The following MKLN1 variants were observed in gnomAD, a reference collection of about 807,000 sequenced individuals.
MKLN1 encodes the protein muskelin.
In MKLN1, 18 loss-of-function variants were observed where a neutral mutation model predicts 99.0. The ratio of observed to expected loss-of-function variants is 0.18; its 90% confidence interval spans 0.13 to 0.27. The LOEUF (loss-of-function observed/expected upper bound fraction) is 0.27. MKLN1 is among the 10% of genes least tolerant of loss of function. The probability of loss-of-function intolerance (pLI) is 1.00; values close to 1 mark genes in which losing one functional copy is unlikely to be tolerated. For missense variants in MKLN1, 621 were observed against 875.9 expected (o/e 0.71, Z 3.67); for synonymous variants, 288 against 293.2 (o/e 0.98, Z 0.18).
intron 3 of MKLN1, among the ~76,000 whole-genome samples, chr7:131,311,608 A>G (rs1436929374): frequency 1.3e-5 from 2 of 152,214 alleles, no homozygotes; most frequent in Non-Finnish European, 2.9e-5. Context: ...AGAATTTGAA[A>G]TTTGATTTTA....
chr7:131,378,682 T>G (rs1444439134), intron 2 of MKLN1, among the ~76,000 whole-genome samples: 1 of 151,932 alleles, frequency 6.6e-6, no homozygotes, highest in Admixed American at 6.6e-5. Flanking sequence ...ATACAAAAAG[T>G]AGTCGGGCAT....
In MKLN1 at chr7:131,470,857, C is replaced by T. The variant is rs148919939; in HGVS notation, c.1944C>T (p.Ala648=). 58 of 1,609,586 alleles carry T rather than the reference C, an allele frequency of 3.6e-5. No homozygotes were observed. The highest frequency in any genetic ancestry group is 4.5e-5 in the Non-Finnish European group (53 of 1,176,528). ...CATTTTCTAGGTTTGAAGAAAAGGC[C>T]CAAGTGGATCCCCTTAGTGCTCTGA... ...LIRKHRFEEK[A]QVDPLSALKY... Residue 648 remains alanine, a synonymous_variant, in exon 16 of 18, where the codon GCC becomes GCT. Transcript: ENST00000352689.
chr7:131,387,053 A>T (rs1794051634), intron 2 of MKLN1, 67 bp from the exon 3 acceptor site: 2 of 1,404,280 alleles, frequency 1.4e-6, no homozygotes, highest in East Asian at 2.3e-5. Context: ...AACTGGCAAT[A>T]GTTTTAAAGT....
chr7:131,364,431 G>A (rs1231523764), intron 1 of MKLN1, among the ~76,000 whole-genome samples: 1 of 149,942 alleles, frequency 6.7e-6, no homozygotes, highest in African/African-American at 2.5e-5. Context: ...ATTTAAATGT[G>A]TTCCGTATCA....
chr7:131,406,981 C>T (rs1794727279), intron 6 of MKLN1, among the ~76,000 whole-genome samples: 1 of 151,984 alleles, frequency 6.6e-6, no homozygotes, highest in Admixed American at 6.6e-5. Flanking sequence ...TAACTATTGT[C>T]TATTTTGGTT....
chr7:131,338,652 T>C (rs1298711002), intron 1 of MKLN1, among the ~76,000 whole-genome samples: 1 of 152,232 alleles, frequency 6.6e-6, no homozygotes, highest in Non-Finnish European at 1.5e-5. Context: ...AATAGAGTGT[T>C]ATATCTTGTA....
At chr7:131,377,536 G>A (rs1441336889) in intron 2 of MKLN1, among the ~76,000 whole-genome samples, 1 of 151,922 alleles carries the variant, frequency 6.6e-6, no homozygotes. Flanking sequence ...TGGTATGTTA[G>A]TGTTTTTCAT....
chr7:131,399,623 T>TA (rs1794472656), intron 6 of MKLN1, among the ~76,000 whole-genome samples, 190 bp downstream of exon 6: 4 of 152,176 alleles, frequency 2.6e-5, no homozygotes, highest in African/African-American at 4.8e-5. Flanking sequence ...TAATGAGACT[T>TA]AAAAAATTGA....
intron 12 of MKLN1, among the ~76,000 whole-genome samples, chr7:131,459,061 C>T (rs953833044): frequency 3.3e-5 from 5 of 152,126 alleles, no homozygotes; most frequent in African/African-American, 1.2e-4. Flanking sequence ...GAAAACTGTC[C>T]ATTTTTTTGC....
In MKLN1 at chr7:131,423,253, G is replaced by A. The variant is rs548706790; in HGVS notation, c.848-5780G>A. Among the ~76,000 whole-genome samples the A allele has an allele frequency of 4.6e-5, 7 of 152,260 alleles. No homozygotes were observed. In the South Asian group the frequency reaches 1.5e-3, roughly 32 times the overall value. Reference sequence around the variant, plus strand: ...GTTGATGGAGAGTTGCTTGTCACTTGGAAGAGCCTTTCTGTAGAAATTTGA... The same window carrying A: ...GTTGATGGAGAGTTGCTTGTCACTTAGAAGAGCCTTTCTGTAGAAATTTGA... On this transcript the variant is annotated intron_variant, in intron 8 of 17. Coordinates refer to ENST00000352689, the MANE Select transcript of MKLN1 (RefSeq NM_013255.5).
intron 3 of MKLN1, among the ~76,000 whole-genome samples, chr7:131,241,186 T>C (rs558275803): frequency 8.5e-5 from 13 of 152,074 alleles, no homozygotes; most frequent in Non-Finnish European, 1.5e-4. Flanking sequence ...GAGACCAGGC[T>C]GGCCAACATG....
At chr7:131,247,235 C>CTTTTTTCTTTTT (rs1554542028) in intron 3 of MKLN1, among the ~76,000 whole-genome samples, 2 of 141,148 alleles carry the variant, frequency 1.4e-5, no homozygotes, top group African/African-American at 5.3e-5. Flanking sequence ...TTTCTTTTTT[C>CTTTTTTCTTTTT]TTTTTTTTTT....
chr7:131,281,607 T>C (rs1366540853), intron 3 of MKLN1, among the ~76,000 whole-genome samples: 2 of 152,208 alleles, frequency 1.3e-5, no homozygotes, highest in African/African-American at 4.8e-5. Flanking sequence ...TTGGATTTCA[T>C]TTTTCAGGAT....
rs550433214 is a variant in MKLN1 at position 131,373,248 on chromosome 7, A to T, written c.99-2176A>T. 1.2e-4 allele frequency among the ~76,000 whole-genome samples: 19 copies of T among 152,186 alleles called. No individual in the cohort carries two copies. The South Asian group carries it at 3.7e-3, about 30-fold the overall frequency. On this transcript the variant is annotated intron_variant, in intron 1 of 17. Transcript: ENST00000352689. Reference sequence around the variant, plus strand: ...TTTTTGAGGGTGTGGGACTAATTTTATAGGGACAATATATATGTTTATCTT... The same window carrying T: ...TTTTTGAGGGTGTGGGACTAATTTTTTAGGGACAATATATATGTTTATCTT...
chr7:131,372,060 C>T (rs994538839), intron 1 of MKLN1, among the ~76,000 whole-genome samples: 3 of 151,488 alleles, frequency 2.0e-5, no homozygotes, highest in Non-Finnish European at 4.4e-5. Context: ...ACTTCAGAAA[C>T]ATTATTCTTT....
intron 1 of MKLN1, among the ~76,000 whole-genome samples, chr7:131,142,613 T>A (rs1173720457): frequency 2.6e-5 from 4 of 151,510 alleles, no homozygotes; most frequent in Non-Finnish European, 5.9e-5. Context: ...CGGGCGCCTG[T>A]AGTCCCAGCT....
chr7:131,276,070 A>G lies in MKLN1; in HGVS notation c.-179+73096A>G, dbSNP rs144382224. ...TCGTCTTCACACATTCATCAATCAG[A>G]TTAAGTCACTCCTCTAAGGAGGAAG... On this transcript the variant is annotated intron_variant, in intron 3 of 7. Transcript: ENST00000416992. Among the ~76,000 whole-genome samples the G allele has an allele frequency of 2.6e-5, 4 of 152,276 alleles. No individual in the cohort carries two copies. In the East Asian group the frequency reaches 7.7e-4, roughly 29 times the overall value.
At chr7:131,114,826 A>G (rs1006523286) in intron 1 of MKLN1, among the ~76,000 whole-genome samples, 10 of 151,954 alleles carry the variant, frequency 6.6e-5, no homozygotes, top group Admixed American at 5.3e-4. Context: ...AGTCCCAGCT[A>G]CTCAGGAGCT....
intron 3 of MKLN1, among the ~76,000 whole-genome samples, chr7:131,294,405 T>C (rs914901922): frequency 1.4e-5 from 2 of 145,662 alleles, no homozygotes; most frequent in African/African-American, 4.9e-5. Flanking sequence ...TTGGTGAATC[T>C]AGGTGAAGCA....
Sources: gnomAD v4.1 joint callset for allele counts (sites outside exome capture counted in the v4.1 genomes callset) on GRCh38, gnomAD v4.1.1 for gene constraint, MANE v1.5 for transcripts, NCBI Gene and HGNC (gene_info 2026-07-23, HGNC 2026-07-21) for gene names.